The following RYR3 variants were observed in gnomAD, a reference collection of about 807,000 sequenced individuals.
RYR3 encodes the protein brain ryanodine receptor-calcium release channel.
Under a neutral mutation model 584.3 loss-of-function variants are expected in RYR3, and 207 were observed. The observed-to-expected ratio is 0.35, with a 90% CI of 0.32 to 0.40. The LOEUF is 0.40. RYR3 is among the 10% of genes least tolerant of loss of function. RYR3 has a pLI of 1.00. For synonymous variants in RYR3, 2,416 were observed against 2,248.5 expected, an observed-to-expected ratio of 1.07 and a Z score of -2.11; for missense variants, 5,616 against 6,089.2, an observed-to-expected ratio of 0.92 and a Z score of 2.59.
intron 1 of RYR3, among the ~76,000 whole-genome samples, chr15:33,417,312 A>T (rs114852259): frequency 1.3e-5 from 2 of 152,268 alleles, no homozygotes; most frequent in African/African-American, 4.8e-5. Flanking sequence ...GATTCTTCCT[A>T]TTCATGAGCA....
Position 33,407,209 on chromosome 15 carries a change from C to T in RYR3, c.52-66210C>T, listed in dbSNP as rs182225981. On this transcript the variant is annotated intron_variant, in intron 1 of 103. Coordinates refer to ENST00000634891, the MANE Select transcript of RYR3 (RefSeq NM_001036.6). The stretch of plus-strand genomic sequence containing the variant: ...ATGGCTTAATCACTATCTTAAAGGC[C>T]CCACCTCTTAATACCACCACTGTGG... 2.3e-4 allele frequency among the ~76,000 whole-genome samples: 35 copies of T among 152,304 alleles called. 1 individual carries two copies. Among genetic ancestry groups the T allele is most frequent in the Non-Finnish European group, 4.7e-4 (32 of 68,040 alleles).
chr15:33,843,278 C>G (rs1236293504), intron 91 of RYR3, among the ~76,000 whole-genome samples: 2 of 151,896 alleles, frequency 1.3e-5, no homozygotes, highest in Non-Finnish European at 2.9e-5. Flanking sequence ...CGAGATTGCA[C>G]CACTGCACTC....
rs865774418 is a variant in RYR3 at position 33,336,446 on chromosome 15, G to A, written c.51+25350G>A. 4.4e-4 allele frequency among the ~76,000 whole-genome samples: 8 copies of A among 18,086 alleles called. 2 individuals carry two copies. The highest frequency in any genetic ancestry group is 2.8e-3 in the African/African-American group (4 of 1,420). The allele number at this position is 18,086 out of a possible 152,430, so 11.9% of individuals were successfully genotyped here. ...AGAAAGAAAGAAAGAAAGAAAGAGA[G>A]AGAGAGAGAGAGAGAGAGAGAGAGA... On this transcript the variant is annotated intron_variant, in intron 1 of 103. Coordinates refer to ENST00000634891, the MANE Select transcript of RYR3 (RefSeq NM_001036.6).
At chr15:33,700,781 A>G (rs1217998703) in intron 41 of RYR3, among the ~76,000 whole-genome samples, 196 bp from the exon 42 acceptor site, 1 of 152,206 alleles carries the variant, frequency 6.6e-6, no homozygotes, top group Non-Finnish European at 1.5e-5. Context: ...ATTCACGGCA[A>G]TGAATGTGGG....
chr15:33,700,925 A>C, intron 41 of RYR3, 52 bp from the exon 42 acceptor site: 1 of 1,345,950 alleles, frequency 7.4e-7, no homozygotes, highest in South Asian at 1.2e-5. Context: ...TCAGCTCAGC[A>C]CTGAGTGTCT....
intron 1 of RYR3, among the ~76,000 whole-genome samples, chr15:33,396,855 C>T (rs2042330638): frequency 6.6e-6 from 1 of 152,162 alleles, no homozygotes; most frequent in African/African-American, 2.4e-5. Flanking sequence ...TTAGAGAGGG[C>T]CTTTTCTCCT....
chr15:33,374,789 G>A (rs1158003082), intron 1 of RYR3, among the ~76,000 whole-genome samples: 2 of 152,208 alleles, frequency 1.3e-5, no homozygotes, highest in African/African-American at 4.8e-5. Flanking sequence ...GGAGCATTCT[G>A]GAAATCTTCT....
At chr15:33,392,186 C>T (rs981784538) in intron 1 of RYR3, among the ~76,000 whole-genome samples, 1 of 101,592 alleles carries the variant, frequency 9.8e-6, no homozygotes, top group Non-Finnish European at 1.9e-5. Context: ...GAGCCAGGCA[C>T]GTGGTAAGCC....
Position 33,696,267 on chromosome 15 carries a change from G to T in RYR3, c.5910G>T (p.Glu1970Asp), listed in dbSNP as rs762985032. The change falls in exon 39 of 104, where the codon GAG (glutamate) becomes GAT (aspartate). Residue 1970 changes from glutamate to aspartate, a missense_variant. Around this residue, in one of 9 missense-constraint regions of RYR3, gnomAD observed 1,280 missense variants for 1,426.2 expected, o/e 0.90. Coordinates refer to ENST00000634891, the MANE Select transcript of RYR3 (RefSeq NM_001036.6). ...AGACGATGATCTGCTGGGCCCAGGA[G>T]GACCAGATCCAGGATTCAGAGCTGG... ...ISQTMICWAQ[E>D]DQIQDSELVR... 6.2e-7 allele frequency: 1 copy of T among 1,613,818 alleles called. No individual in the cohort carries two copies. Among genetic ancestry groups the T allele is most frequent in the Admixed American group, 1.7e-5 (1 of 60,012 alleles).
At position 33,755,118 on chromosome 15, in the gene RYR3, A is replaced by G. The variant is rs775227837; in HGVS notation, c.8453A>G (p.Tyr2818Cys). ...DASSMEKRFA[Y>C]KFLKKILKYV... ...TCCTCCATGGAGAAGAGGTTTGCCT[A>G]TAAGTTCTTGAAGAAGATCCTGAAA... Residue 2818 changes from tyrosine to cysteine, a missense_variant, in exon 58 of 104, where the codon TAT becomes TGT. This residue lies in a region of RYR3 where 1,280 missense variants were observed against 1,426.2 expected (regional missense o/e 0.90). Transcript: ENST00000634891. The G allele has an allele frequency of 5.6e-6, 9 of 1,613,540 alleles. No homozygotes were observed. The highest frequency in any genetic ancestry group is 4.0e-5 in the African/African-American group (3 of 75,064).
chr15:33,536,254 G>C (rs895124512), intron 5 of RYR3, among the ~76,000 whole-genome samples: 5 of 152,056 alleles, frequency 3.3e-5, no homozygotes, highest in African/African-American at 1.2e-4. Context: ...AGAAAGTTTG[G>C]GGGCAGTTTC....
chr15:33,662,136 G>A lies in RYR3; in HGVS notation c.4623-17G>A, dbSNP rs1462566325. ...TCTTCTCCCCCTGGTGTGGCTGATT[G>A]CTCGTCCTGTCCTCAGGTGTGTGGA... On this transcript the variant is annotated splice_polypyrimidine_tract_variant and intron_variant, in intron 34 of 103. Coordinates refer to ENST00000634891, the MANE Select transcript of RYR3 (RefSeq NM_001036.6). 2 of 1,549,362 alleles carry A rather than the reference G, an allele frequency of 1.3e-6. No homozygotes were observed. The highest frequency in any genetic ancestry group is 1.7e-6 in the Non-Finnish European group (2 of 1,146,502).
At chr15:33,405,765 T>G (rs8035838) in intron 1 of RYR3, among the ~76,000 whole-genome samples, 13,951 of 152,202 alleles carry the variant, frequency 0.092, 769 homozygotes, top group African/African-American at 0.14. Flanking sequence ...AGCTGGTGGT[T>G]CTGGCTTCAG....
At position 33,628,944 on chromosome 15, in the gene RYR3, A is replaced by G. The variant is rs190842230; in HGVS notation, c.2679+369A>G. 5.9e-5 allele frequency among the ~76,000 whole-genome samples: 9 copies of G among 152,332 alleles called. No individual in the cohort carries two copies. In the East Asian group the frequency reaches 1.5e-3, roughly 26 times the overall value. On this transcript the variant is annotated intron_variant, in intron 21 of 103. Transcript: ENST00000634891. ...ATGGACACTCAGAGGAGGATAGGGA[A>G]TCTTTCATTAGAAATCATTTTTCAG... is the stretch of plus-strand genomic sequence containing the variant.
intron 1 of RYR3, among the ~76,000 whole-genome samples, chr15:33,375,988 C>A (rs900793304): frequency 2.0e-5 from 3 of 152,118 alleles, no homozygotes; most frequent in African/African-American, 4.8e-5. Flanking sequence ...GGCGTGAACC[C>A]GGGAGGCGGA....
At chr15:33,468,772 A>G (rs1409425821) in intron 1 of RYR3, among the ~76,000 whole-genome samples, 1 of 152,198 alleles carries the variant, frequency 6.6e-6, no homozygotes. Flanking sequence ...GGTGAGTATC[A>G]TGATAGGCAG....
intron 3 of RYR3, among the ~76,000 whole-genome samples, chr15:33,527,408 C>T (rs1048705550): frequency 6.6e-6 from 1 of 152,014 alleles, no homozygotes; most frequent in Non-Finnish European, 1.5e-5. Flanking sequence ...GGGAAAACCC[C>T]ATCTCTGCCA....
In RYR3 at chr15:33,837,858, G is replaced by T; in HGVS notation, c.11878G>T (p.Asp3960Tyr). ...GQKQYTQSEIDFLLSCAEADE... is the reference protein window; with the variant it reads ...GQKQYTQSEIYFLLSCAEADE... ...AAAACAGTACACGCAGTCAGAGATT[G>T]ACTTTCTCCTGTCGTGTGCAGAAGC... is the stretch of plus-strand genomic sequence containing the variant. The change falls in exon 89 of 104, where the codon GAC becomes TAC. Residue 3960 changes from aspartate (D) to tyrosine (Y), a missense_variant. Transcript: ENST00000634891. 1 of 1,614,014 alleles carries T rather than the reference G, an allele frequency of 6.2e-7. No individual in the cohort carries two copies. The highest frequency in any genetic ancestry group is 8.5e-7 in the Non-Finnish European group (1 of 1,179,900).
At chr15:33,640,424 T>C (rs1184755257) in intron 27 of RYR3, among the ~76,000 whole-genome samples, 4 of 152,208 alleles carry the variant, frequency 2.6e-5, no homozygotes, top group Admixed American at 1.3e-4. Flanking sequence ...TGCTGCTGGA[T>C]TGAAACTCCC....
Sources: allele counts gnomAD v4.1 joint callset (sites outside exome capture counted in the v4.1 genomes callset), GRCh38; gene constraint gnomAD v4.1.1; regional missense constraint gnomAD v4.1.1; transcripts MANE v1.5; gene names NCBI Gene and HGNC (gene_info 2026-07-23, HGNC 2026-07-21).